LSAMP: variants seen among roughly 807,000 people sequenced by gnomAD.
LSAMP encodes limbic system-associated membrane protein.
Under a neutral mutation model 38.6 loss-of-function variants are expected in LSAMP, and 7 were observed. That is an observed-to-expected ratio of 0.18 (90% CI 0.10 to 0.34). The LOEUF (loss-of-function observed/expected upper bound fraction) is 0.34, where lower values mean the gene tolerates loss of function less well. LSAMP is among the 10% of genes least tolerant of loss of function. LSAMP has a pLI of 1.00. For missense variants in LSAMP, 313 were observed against 420.0 expected (o/e 0.75, Z 2.23); for synonymous variants, 154 against 166.8 (o/e 0.92, Z 0.59).
chr3:116,179,463 T>C (rs1710433031), intron 1 of LSAMP, among the ~76,000 whole-genome samples: 1 of 152,152 alleles, frequency 6.6e-6, no homozygotes, highest in African/African-American at 2.4e-5. Flanking sequence ...CTTCTCATAC[T>C]GCTATAAACA....
chr3:116,139,892 T>C (rs1353830366), intron 1 of LSAMP, among the ~76,000 whole-genome samples: 1 of 152,032 alleles, frequency 6.6e-6, no homozygotes, highest in East Asian at 1.9e-4. Flanking sequence ...TACAGTATCT[T>C]GTCTGTGGTT....
At chr3:115,963,698 G>A (rs945847454) in intron 3 of LSAMP, among the ~76,000 whole-genome samples, 6 of 152,118 alleles carry the variant, frequency 3.9e-5, no homozygotes, top group Admixed American at 6.5e-5. Context: ...AGTTCTTGCC[G>A]TCTCTATACC....
Position 116,092,618 on chromosome 3 carries a change from C to T in LSAMP, c.156-6062G>A, listed in dbSNP as rs745414458. 5.9e-5 allele frequency among the ~76,000 whole-genome samples: 9 copies of T among 152,198 alleles called. No homozygotes were observed. The South Asian group carries it at 1.7e-3, about 28-fold the overall frequency. ...AAACTGTCACAAAAAATCAATGCACCCATACAAATCTTAAGCATTGAATTT... is the reference window on the plus strand; with the variant it reads ...AAACTGTCACAAAAAATCAATGCACTCATACAAATCTTAAGCATTGAATTT... On this transcript the variant is annotated intron_variant, in intron 1 of 6. Transcript: ENST00000490035.
At chr3:115,998,038 C>A (rs1262458775) in intron 3 of LSAMP, among the ~76,000 whole-genome samples, 1 of 150,716 alleles carries the variant, frequency 6.6e-6, no homozygotes, top group Non-Finnish European at 1.5e-5. Context: ...TGGCCTCAAC[C>A]CACTAGATGC....
chr3:116,207,419 G>T (rs369965101), intron 1 of LSAMP, among the ~76,000 whole-genome samples: 27 of 149,848 alleles, frequency 1.8e-4, no homozygotes, highest in African/African-American at 3.7e-4. Flanking sequence ...AAGTTAATAT[G>T]GTTATGTGTG....
chr3:115,842,951 A>G (rs1935041945), intron 4 of LSAMP, among the ~76,000 whole-genome samples: 1 of 152,194 alleles, frequency 6.6e-6, no homozygotes, highest in Non-Finnish European at 1.5e-5. Flanking sequence ...GGATTTAGGA[A>G]TCTCAACATA....
At chr3:115,940,742 C>T (rs1304771978) in intron 3 of LSAMP, among the ~76,000 whole-genome samples, 2 of 152,150 alleles carry the variant, frequency 1.3e-5, no homozygotes, top group Non-Finnish European at 2.9e-5. Context: ...CTTCTGGGCT[C>T]TCTGTTTTGT....
Position 115,852,467 on chromosome 3 carries a change from C to A in LSAMP, c.649+16G>T. ...ACCCTGGGCACCTAGCACCTGCTGG[C>A]TCCTGCCGTACTCACAGTTCACAGT... On this transcript the variant is annotated intron_variant, in intron 4 of 6. Transcript: ENST00000490035. 1.3e-6 allele frequency: 2 copies of A among 1,599,492 alleles called. No individual in the cohort carries two copies. The highest frequency in any genetic ancestry group is 1.7e-6 in the Non-Finnish European group (2 of 1,173,632).
intron 3 of LSAMP, among the ~76,000 whole-genome samples, chr3:115,994,178 C>G (rs1469325237): frequency 6.6e-6 from 1 of 152,048 alleles, no homozygotes; most frequent in Non-Finnish European, 1.5e-5. Flanking sequence ...CTCTTCAACT[C>G]TCCTGCTCTT....
chr3:116,307,035 G>T (rs1239234875), intron 1 of LSAMP, among the ~76,000 whole-genome samples: 4 of 152,006 alleles, frequency 2.6e-5, no homozygotes, highest in African/African-American at 9.7e-5. Context: ...TTCCAGGTTT[G>T]TTCCTTAAAA....
At chr3:115,823,172 A>G (rs985893314) in intron 6 of LSAMP, among the ~76,000 whole-genome samples, 2 of 152,246 alleles carry the variant, frequency 1.3e-5, no homozygotes, top group Non-Finnish European at 2.9e-5. Context: ...ACTTGGAGAG[A>G]GAACATATGA....
At chr3:116,126,688 C>G (rs1053234361) in intron 1 of LSAMP, among the ~76,000 whole-genome samples, 3 of 152,076 alleles carry the variant, frequency 2.0e-5, no homozygotes, top group Non-Finnish European at 4.4e-5. Context: ...ATGGCAAAAC[C>G]CTGTCTCTAC....
chr3:116,058,630 C>T (rs1319608976), intron 2 of LSAMP, among the ~76,000 whole-genome samples: 1 of 152,106 alleles, frequency 6.6e-6, no homozygotes, highest in Non-Finnish European at 1.5e-5. Flanking sequence ...TTTACTTAAT[C>T]CAAGCCTGTT....
intron 1 of LSAMP, among the ~76,000 whole-genome samples, chr3:116,151,515 T>A (rs565736879): frequency 1.3e-5 from 2 of 152,176 alleles, no homozygotes; most frequent in South Asian, 4.1e-4. Context: ...GATACCTTTC[T>A]GAAAATGCTT....
intron 3 of LSAMP, among the ~76,000 whole-genome samples, chr3:115,899,517 A>G (rs1936819211): frequency 6.6e-6 from 1 of 152,194 alleles, no homozygotes; most frequent in African/African-American, 2.4e-5. Flanking sequence ...CCTTGTATAC[A>G]TAACTGCCTG....
At chr3:115,881,938 T>C (rs1008360806) in intron 3 of LSAMP, among the ~76,000 whole-genome samples, 1 of 152,106 alleles carries the variant, frequency 6.6e-6, no homozygotes, top group African/African-American at 2.4e-5. Flanking sequence ...GGAGAATTGC[T>C]GGTGGATGAT....
rs564941489 is a variant in LSAMP at position 116,018,524 on chromosome 3, A to T, written c.514+991T>A. On this transcript the variant is annotated intron_variant, in intron 3 of 6. Transcript: ENST00000490035. The stretch of plus-strand genomic sequence containing the variant: ...AATTTTAAGTGACTATAAGATATAA[A>T]TTAGTTAAATTTGTGAGTTCTCTAC... 5.9e-5 allele frequency among the ~76,000 whole-genome samples: 9 copies of T among 152,294 alleles called. No homozygotes were observed. The South Asian group carries it at 1.9e-3, about 32-fold the overall frequency.
chr3:116,035,846 C>A (rs891599006), intron 2 of LSAMP, among the ~76,000 whole-genome samples: 3 of 152,230 alleles, frequency 2.0e-5, no homozygotes, highest in Non-Finnish European at 4.4e-5. Flanking sequence ...CACCAAGTAT[C>A]TATGTTGCTT....
intron 1 of LSAMP, among the ~76,000 whole-genome samples, chr3:116,216,127 A>C (rs1440275101): frequency 6.6e-6 from 1 of 152,196 alleles, no homozygotes; most frequent in East Asian, 1.9e-4. Context: ...CACTTTATTC[A>C]TGAAAGTGAC....
Sources: gnomAD v4.1 joint callset for allele counts (sites outside exome capture counted in the v4.1 genomes callset) on GRCh38, gnomAD v4.1.1 for gene constraint, MANE v1.5 for transcripts, NCBI Gene and HGNC (gene_info 2026-07-23, HGNC 2026-07-21) for gene names.